The following SMPDL3B variants were observed in gnomAD, a reference collection of about 807,000 sequenced individuals.
The protein encoded by SMPDL3B is acid sphingomyelinase-like phosphodiesterase 3b.
SMPDL3B carries 31 observed loss-of-function variants against 37.9 expected under a neutral mutation model. The observed-to-expected ratio is 0.82, with a 90% CI of 0.61 to 1.10. The LOEUF is 1.10. Among genes scored for constraint, SMPDL3B ranks in the 50% least tolerant of loss-of-function variants. SMPDL3B has a pLI of 0.00. For synonymous variants in SMPDL3B, 235 were observed against 242.6 expected (o/e 0.97, Z 0.29); for missense variants, 525 against 597.8 (o/e 0.88, Z 1.27).
intron 1 of SMPDL3B, among the ~76,000 whole-genome samples, chr1:27,944,156 G>A (rs572244218): frequency 3.9e-5 from 6 of 151,998 alleles, no homozygotes; most frequent in South Asian, 4.2e-4. Flanking sequence ...TCCTTTGGTC[G>A]GAAACTGAGT....
chr1:27,954,584 C>G, intron 5 of SMPDL3B, 58 bp downstream of exon 5: 1 of 1,546,492 alleles, frequency 6.5e-7, no homozygotes. Flanking sequence ...ACAAGTCTCC[C>G]GCTTGGCACA....
Position 27,955,882 on chromosome 1 carries a change from C to T in SMPDL3B, c.871+18C>T, listed in dbSNP as rs931401173. ...TGATGCAGGTATTCAACCTGGAGGG[C>T]AACTGCCAGCTCCCTCCCTCCTTCT... On this transcript the variant is annotated intron_variant, in intron 6 of 7. Transcript: ENST00000373894. The T allele has an allele frequency of 2.5e-6, 4 of 1,611,558 alleles. No homozygotes were observed. The highest frequency in any genetic ancestry group is 3.4e-6 in the Non-Finnish European group (4 of 1,177,886).
intron 7 of SMPDL3B, chr1:27,956,329 T>C (rs1185462083): frequency 8.3e-6 from 12 of 1,438,398 alleles, no homozygotes; most frequent in Non-Finnish European, 1.1e-5. Context: ...TCTCCCTGCC[T>C]CTGGCCCTGC....
In SMPDL3B at chr1:27,945,349, G is replaced by T. The variant is rs781517843; in HGVS notation, c.179G>T (p.Gly60Val). 19 of 1,614,052 alleles carry T rather than the reference G, an allele frequency of 1.2e-5. No homozygotes were observed. Among genetic ancestry groups the T allele is most frequent in the Middle Eastern group, 1.6e-4 (1 of 6,084 alleles). The change falls in exon 2 of 8, where the codon GGT becomes GTT. Residue 60 changes from glycine (G) to valine (V), a missense_variant. Coordinates refer to ENST00000373894, the MANE Select transcript of SMPDL3B (RefSeq NM_014474.4). The surrounding 1 kb of genome is among the most constrained non-coding windows in gnomAD (Gnocchi z 4.0). ...SQPVPDAGPW[G>V]DYLCDSPWAL... Reference sequence around the variant, plus strand: ...CCAGTGCCCGACGCAGGCCCCTGGGGTGACTACCTCTGTGATTCTCCCTGG... The same window carrying T: ...CCAGTGCCCGACGCAGGCCCCTGGGTTGACTACCTCTGTGATTCTCCCTGG...
At chr1:27,956,309 T>G in intron 7 of SMPDL3B, 1 of 1,472,028 alleles carries the variant, frequency 6.8e-7, no homozygotes, top group Admixed American at 2.3e-5. Context: ...TGTCACAGCT[T>G]CATACCTGGT....
rs573749895 is a variant in SMPDL3B, at chr1:27,945,601, C to T, written c.275+156C>T. 9.8e-5 allele frequency among the ~76,000 whole-genome samples: 15 copies of T among 152,286 alleles called. No individual in the cohort carries two copies. Among genetic ancestry groups the T allele is most frequent in the East Asian group, 9.7e-4 (5 of 5,180 alleles). ...GCTCAAAGGAATTTTGTAACTTGCC[C>T]GGGGATTCCTGAGTCCAACTGATTC... On this transcript the variant is annotated intron_variant, in intron 2 of 7. Coordinates refer to ENST00000373894, the MANE Select transcript of SMPDL3B (RefSeq NM_014474.4). This position sits in a 1 kb window ranked among gnomAD's most constrained non-coding sequence, Gnocchi z 4.0.
intron 3 of SMPDL3B, 92 bp downstream of exon 3, chr1:27,949,254 C>A (rs1437642658): frequency 2.3e-6 from 3 of 1,332,146 alleles, no homozygotes; most frequent in Admixed American, 3.6e-5. Context: ...AGTGTCCTGG[C>A]TGACCTTCAT....
rs1184221119 is a variant in SMPDL3B at position 27,958,825 on chromosome 1, C to A, written c.1355C>A (p.Thr452Lys). 6.3e-7 allele frequency: 1 copy of A among 1,592,550 alleles called. No individual in the cohort carries two copies. The highest frequency in any genetic ancestry group is 8.6e-7 in the Non-Finnish European group (1 of 1,166,200). ...LLLMALLGLCTLVL is the reference protein window; with the variant it reads ...LLLMALLGLCKLVL ...CTGATGGCCCTGCTGGGCCTGTGCACGCTCGTGCTGTGACCTGCCAGGCTC... is the reference window on the plus strand; with the variant it reads ...CTGATGGCCCTGCTGGGCCTGTGCAAGCTCGTGCTGTGACCTGCCAGGCTC... The change falls in exon 8 of 8, where the codon ACG becomes AAG. Residue 452 changes from threonine to lysine, a missense_variant. Thr to Lys is a moderately conservative substitution (Grantham distance 78). Coordinates refer to ENST00000373894, the MANE Select transcript of SMPDL3B (RefSeq NM_014474.4). The surrounding 1 kb of genome is among the most constrained non-coding windows in gnomAD (Gnocchi z 5.6).
intron 1 of SMPDL3B, among the ~76,000 whole-genome samples, chr1:27,944,447 T>C (rs909402541): frequency 6.6e-6 from 1 of 152,102 alleles, no homozygotes; most frequent in African/African-American, 2.4e-5. Context: ...CTCCACCTCC[T>C]GGGCTCAGGC....
rs147626893 is a variant in SMPDL3B at position 27,956,099 on chromosome 1, A to G, written c.1005+17A>G. 2.5e-6 allele frequency: 4 copies of G among 1,614,132 alleles called. No homozygotes were observed. Among genetic ancestry groups the G allele is most frequent in the Non-Finnish European group, 2.5e-6 (3 of 1,180,010 alleles). On this transcript the variant is annotated intron_variant, in intron 7 of 7. Coordinates refer to ENST00000373894, the MANE Select transcript of SMPDL3B (RefSeq NM_014474.4). ...AGCCTGAAGGTCAGGAGTCCTGCGG[A>G]GGCCAGAGGAGGAGGGTGGGAGGGG...
intron 7 of SMPDL3B, 154 bp downstream of exon 7, chr1:27,956,236 C>G: frequency 6.4e-7 from 1 of 1,561,390 alleles, no homozygotes; most frequent in Non-Finnish European, 8.7e-7. Context: ...GATCAGAACC[C>G]TGGAGGCACC....
In SMPDL3B at chr1:27,958,977, A is replaced by T; in HGVS notation, c.*139A>T. ...CAACCGAATCAGGAAGCGAAGCCCC[A>T]GGAGCTGCAGCCATCCGTGATCGCG... On this transcript the variant is annotated 3_prime_UTR_variant, in exon 8 of 8. Coordinates refer to ENST00000373894, the MANE Select transcript of SMPDL3B (RefSeq NM_014474.4). This position sits in a 1 kb window ranked among gnomAD's most constrained non-coding sequence, Gnocchi z 5.6. 1 of 1,060,950 alleles carries T rather than the reference A, an allele frequency of 9.4e-7. No homozygotes were observed. Among genetic ancestry groups the T allele is most frequent in the Non-Finnish European group, 1.3e-6 (1 of 759,202 alleles). The allele number at this position is 1,060,950 out of a possible 1,614,324, so 65.7% of individuals were successfully genotyped here.
At chr1:27,953,771 C>G (rs753628208) in intron 4 of SMPDL3B, among the ~76,000 whole-genome samples, 17 of 152,214 alleles carry the variant, frequency 1.1e-4, no homozygotes, top group Non-Finnish European at 2.2e-4. Flanking sequence ...CAAACACTCA[C>G]TAGAGTGATA....
intron 1 of SMPDL3B, among the ~76,000 whole-genome samples, chr1:27,941,767 C>T (rs192268329): frequency 4.4e-4 from 67 of 152,180 alleles, no homozygotes; most frequent in Middle Eastern, 3.4e-3. Flanking sequence ...GAGGCCATGG[C>T]GTAGTCAGGG....
intron 5 of SMPDL3B, 61 bp from the exon 6 acceptor site, chr1:27,955,623 G>A: frequency 6.6e-7 from 1 of 1,525,240 alleles, no homozygotes; most frequent in Non-Finnish European, 9.0e-7. Flanking sequence ...GTTTTGAGAA[G>A]TAGAAATGAG....
At chr1:27,950,017 G>T (rs2090442995) in intron 3 of SMPDL3B, among the ~76,000 whole-genome samples, 1 of 152,186 alleles carries the variant, frequency 6.6e-6, no homozygotes, top group South Asian at 2.1e-4. Context: ...ATAAGCCTTG[G>T]GGGAGGTGCT....
rs975417397 is a variant in SMPDL3B, at chr1:27,945,697, C to T, written c.275+252C>T. On this transcript the variant is annotated intron_variant, in intron 2 of 7. Transcript: ENST00000373894. The surrounding 1 kb of genome is among the most constrained non-coding windows in gnomAD (Gnocchi z 4.0). The stretch of plus-strand genomic sequence containing the variant: ...CGCAGCTCTCAATCAGGCTTTTGGA[C>T]GTGGTCCTGGCATGCCTGGGCACCC... 3.9e-5 allele frequency among the ~76,000 whole-genome samples: 6 copies of T among 152,140 alleles called. No individual in the cohort carries two copies. The highest frequency in any genetic ancestry group is 5.9e-5 in the Non-Finnish European group (4 of 68,030).
intron 3 of SMPDL3B, among the ~76,000 whole-genome samples, chr1:27,949,853 G>GC (rs2090441736): frequency 6.9e-6 from 1 of 144,888 alleles, no homozygotes; most frequent in Non-Finnish European, 1.5e-5. Context: ...CAGTACCTCT[G>GC]CCCCCTCTAA....
rs1280218243 is a variant in SMPDL3B, at chr1:27,945,990, G to A, written c.275+545G>A. On this transcript the variant is annotated intron_variant, in intron 2 of 7. Coordinates refer to ENST00000373894, the MANE Select transcript of SMPDL3B (RefSeq NM_014474.4). The surrounding 1 kb of genome is among the most constrained non-coding windows in gnomAD (Gnocchi z 4.0). Reference sequence around the variant, plus strand: ...ACTCAGCCGCAGAGACCCAGTTTCTGCTTCCTGTCCAAGGTTGCTGCTCTA... The same window carrying A: ...ACTCAGCCGCAGAGACCCAGTTTCTACTTCCTGTCCAAGGTTGCTGCTCTA... 6.6e-6 allele frequency among the ~76,000 whole-genome samples: 1 copy of A among 152,166 alleles called. No homozygotes were observed. The highest frequency in any genetic ancestry group is 1.5e-5 in the Non-Finnish European group (1 of 68,032).
Sources: gnomAD v4.1 joint callset for allele counts (sites outside exome capture counted in the v4.1 genomes callset) on GRCh38, gnomAD v4.1.1 for gene constraint, Gnocchi (gnomAD v3.1) non-coding constraint, MANE v1.5 for transcripts, NCBI Gene and HGNC (gene_info 2026-07-23, HGNC 2026-07-21) for gene names.